Variants in NXNL2 observed in about 807,000 individuals in gnomAD.
NXNL2 encodes the protein nucleoredoxin like 2.
NXNL2 carries 7 observed loss-of-function variants against 11.1 expected under a neutral mutation model. That is an observed-to-expected ratio of 0.63 (90% CI 0.36 to 1.18). The LOEUF is 1.18. Among genes scored for constraint, NXNL2 ranks in the 50% most tolerant of loss-of-function variants. The pLI is 0.02. For missense variants in NXNL2, 233 were observed against 217.7 expected, an observed-to-expected ratio of 1.07 and a Z score of -0.44; for synonymous variants, 109 against 101.8, an observed-to-expected ratio of 1.07 and a Z score of -0.42.
At chr9:88,582,469 A>G (rs1356133141) in intron 1 of NXNL2, among the ~76,000 whole-genome samples, 1 of 152,136 alleles carries the variant, frequency 6.6e-6, no homozygotes, top group African/African-American at 2.4e-5. Flanking sequence ...ACTTCATCTC[A>G]AAAAAATAAA....
chr9:88,541,104 C>A (rs965982262), intron 1 of NXNL2, among the ~76,000 whole-genome samples: 3 of 144,404 alleles, frequency 2.1e-5, no homozygotes, highest in Non-Finnish European at 4.5e-5. Flanking sequence ...CACAGCCACA[C>A]CTGGTTATTT....
In NXNL2 at chr9:88,564,285, T is replaced by TCATC. The variant is rs1554706562; in HGVS notation, c.303-6802_303-6801insCATC. Among the ~76,000 whole-genome samples the TCATC allele has an allele frequency of 6.3e-3, 884 of 140,248 alleles. 16 individuals are homozygous for TCATC. Among genetic ancestry groups the TCATC allele is most frequent in the African/African-American group, 0.023 (856 of 36,568 alleles). The allele number at this position is 140,248 out of a possible 152,430, so 92.0% of individuals were successfully genotyped here. A position where few individuals can be genotyped will look rare whatever the true frequency, so the allele number is the denominator to read the frequency against. ...ATCTATCTGTCTATCTATCTATCTA[T>TCATC]TATCTATCTATCTATCTATCTATCT... On this transcript the variant is annotated intron_variant, in intron 1 of 2. Coordinates refer to the NXNL2 transcript ENST00000375855.
chr9:88,577,902 G>T (rs72757738), downstream of NXNL2, among the ~76,000 whole-genome samples: 1 of 152,186 alleles, frequency 6.6e-6, no homozygotes, highest in African/African-American at 2.4e-5. Context: ...TGGGTCCAGC[G>T]GTGGGTCTGG....
chr9:88,535,417 T>A lies in NXNL2; in HGVS notation c.-18T>A, dbSNP rs775798432. The A allele has an allele frequency of 7.6e-6, 12 of 1,576,204 alleles. No homozygotes were observed. The highest frequency in any genetic ancestry group is 9.4e-6 in the Non-Finnish European group (11 of 1,165,192). On this transcript the variant is annotated 5_prime_UTR_variant, in exon 1 of 2. Coordinates refer to ENST00000375854, the MANE Select transcript of NXNL2 (RefSeq NM_001161625.2). ...CCTGCAGGTGTCCTCGGGTCTCAGGTGGCTGCGTGTCTGCGCCATGGTTGA... is the reference window on the plus strand; with the variant it reads ...CCTGCAGGTGTCCTCGGGTCTCAGGAGGCTGCGTGTCTGCGCCATGGTTGA...
At chr9:88,564,696 G>A (rs572765001) in intron 1 of NXNL2, among the ~76,000 whole-genome samples, 2 of 152,318 alleles carry the variant, frequency 1.3e-5, no homozygotes, top group South Asian at 4.1e-4. Flanking sequence ...GATTACAGGC[G>A]TGAGCCACTG....
At chr9:88,580,847 A>G (rs1022111653) in intron 1 of NXNL2, among the ~76,000 whole-genome samples, 7 of 151,804 alleles carry the variant, frequency 4.6e-5, no homozygotes, top group African/African-American at 1.7e-4. Context: ...TTAGTCTGGA[A>G]TGGTTCCACA....
chr9:88,544,346 T>G, intron 1 of NXNL2, 33 bp from the exon 2 acceptor site: 2 of 1,537,868 alleles, frequency 1.3e-6, no homozygotes, highest in Non-Finnish European at 1.8e-6. Flanking sequence ...CATGTGGGAG[T>G]GCTAACTTCG....
intron 1 of NXNL2, among the ~76,000 whole-genome samples, chr9:88,541,235 A>G (rs2039229): frequency 1 from 151,069 of 151,690 alleles, 75,227 homozygotes; most frequent in Middle Eastern, 1. Context: ...ATTCTTCTGC[A>G]TTCTCTCTTT....
downstream of NXNL2, among the ~76,000 whole-genome samples, chr9:88,578,667 C>CGTG (rs1425319869): frequency 6.6e-6 from 1 of 152,232 alleles, no homozygotes; most frequent in East Asian, 1.9e-4. Context: ...ACTGCCCCCT[C>CGTG]GTGGTCATCT....
chr9:88,566,998 A>G (rs1258086507), intron 1 of NXNL2, among the ~76,000 whole-genome samples: 1 of 151,370 alleles, frequency 6.6e-6, no homozygotes, highest in Non-Finnish European at 1.5e-5. Context: ...CTATCTATCT[A>G]TCTATCTATC....
At chr9:88,556,737 C>T (rs1830016679) in intron 1 of NXNL2, among the ~76,000 whole-genome samples, 2 of 152,096 alleles carry the variant, frequency 1.3e-5, no homozygotes, top group African/African-American at 4.8e-5. Flanking sequence ...CTGCTATCAA[C>T]ACTTTGGCTC....
At chr9:88,577,381 C>T (rs544105180), downstream of NXNL2, among the ~76,000 whole-genome samples, 97 of 152,184 alleles carry the variant, frequency 6.4e-4, 1 homozygote, top group African/African-American at 2.0e-3. Flanking sequence ...AGACAATGGA[C>T]ACGGTGGCCT....
rs141942333 is a variant in NXNL2 at position 88,575,214 on chromosome 9, G to T, written c.*144G>T. 3.7e-5 allele frequency: 34 copies of T among 931,312 alleles called. No individual in the cohort carries two copies. The East Asian group carries it at 3.9e-3, about 108-fold the overall frequency. 57.7% of individuals were successfully genotyped at this position (931,312 alleles called of 1,614,324 possible). ...AGTCTGTGCTCATTAACAATGTGCT[G>T]TGACCATGTGACTCAGCAATCCTGC... On this transcript the variant is annotated 3_prime_UTR_variant, in exon 3 of 3. Transcript: ENST00000375855.
intron 1 of NXNL2, among the ~76,000 whole-genome samples, chr9:88,555,751 G>A (rs966465481): frequency 6.6e-6 from 1 of 152,172 alleles, no homozygotes; most frequent in African/African-American, 2.4e-5. Context: ...GCTTGGCACT[G>A]GGCTCACTCC....
At chr9:88,536,053 G>C (rs1055401070) in intron 1 of NXNL2, among the ~76,000 whole-genome samples, 1 of 152,306 alleles carries the variant, frequency 6.6e-6, no homozygotes, top group Admixed American at 6.5e-5. Context: ...GCTCCCAGTG[G>C]TGGTGATGCT....
At chr9:88,542,426 C>T (rs1474193670) in intron 1 of NXNL2, among the ~76,000 whole-genome samples, 1 of 151,648 alleles carries the variant, frequency 6.6e-6, no homozygotes, top group African/African-American at 2.4e-5. Context: ...GTAGCTGGGA[C>T]CACAAATGCG....
At chr9:88,540,935 AT>A (rs71507764) in intron 1 of NXNL2, among the ~76,000 whole-genome samples, 339 of 91,024 alleles carry the variant, frequency 3.7e-3, no homozygotes, top group African/African-American at 0.013. Flanking sequence ...ATCTCAGTAG[AT>A]TTTTTTTTTT....
chr9:88,547,995 A>G (rs1182943056), downstream of NXNL2, among the ~76,000 whole-genome samples: 1 of 151,378 alleles, frequency 6.6e-6, no homozygotes, highest in Non-Finnish European at 1.5e-5. Context: ...CAGCCTGGGC[A>G]ACAAAGAGCG....
intron 1 of NXNL2, among the ~76,000 whole-genome samples, chr9:88,583,715 G>T (rs1435913625): frequency 6.6e-6 from 1 of 152,222 alleles, no homozygotes; most frequent in Non-Finnish European, 1.5e-5. Context: ...ATGTGATTGT[G>T]TCTGGAGACA....
Sources: allele counts gnomAD v4.1 joint callset (sites outside exome capture counted in the v4.1 genomes callset), GRCh38; gene constraint gnomAD v4.1.1; transcripts MANE v1.5; gene names NCBI Gene and HGNC (gene_info 2026-07-23, HGNC 2026-07-21).